RBKS: variants seen among roughly 807,000 people sequenced by gnomAD.
RBKS encodes the protein ribokinase.
RBKS carries 33 observed loss-of-function variants against 33.9 expected under a neutral mutation model. The observed-to-expected ratio is 0.97, with a 90% CI of 0.74 to 1.30. The LOEUF is 1.30. RBKS is among the 50% of genes most tolerant of loss of function. The probability of loss-of-function intolerance (pLI) is 0.00; values close to 1 mark genes in which losing one functional copy is unlikely to be tolerated. For missense variants in RBKS, 361 were observed against 392.6 expected, an observed-to-expected ratio of 0.92 and a Z score of 0.68; for synonymous variants, 125 against 143.0, an observed-to-expected ratio of 0.87 and a Z score of 0.90.
At chr2:27,794,624 CTTTTTT>C (rs199640528) in intron 7 of RBKS, among the ~76,000 whole-genome samples, 1 of 139,208 alleles carries the variant, frequency 7.2e-6, no homozygotes, top group Non-Finnish European at 1.6e-5. Flanking sequence ...GTTTTTTTTT[CTTTTTT>C]TTTTTTTTTG....
Position 27,820,205 on chromosome 2 carries a change from T to C in RBKS, c.795+7362A>G, listed in dbSNP as rs145734751. 3.9e-5 allele frequency among the ~76,000 whole-genome samples: 6 copies of C among 152,340 alleles called. No homozygotes were observed. In the East Asian group the frequency reaches 7.7e-4, roughly 20 times the overall value. ...GTAATACATGAAAAATACAGGCTTA[T>C]GGAAAAACTCAAATAATTCAGTAGA... On this transcript the variant is annotated intron_variant, in intron 7 of 7. Transcript: ENST00000302188.
At chr2:27,798,712 A>G (rs1450899049) in intron 7 of RBKS, among the ~76,000 whole-genome samples, 1 of 152,096 alleles carries the variant, frequency 6.6e-6, no homozygotes, top group African/African-American at 2.4e-5. Context: ...TCCCTAAACC[A>G]CTTTTCCAGT....
At position 27,810,173 on chromosome 2, in the gene RBKS, C is replaced by T; in HGVS notation, c.795+17394G>A. Reference sequence around the variant, plus strand: ...GCACCTGGTATATTTGTCTACACAACCCAAATTCGTCATATACTGGCTGAT... The same window carrying T: ...GCACCTGGTATATTTGTCTACACAATCCAAATTCGTCATATACTGGCTGAT... On this transcript the variant is annotated intron_variant, in intron 7 of 7. Transcript: ENST00000302188. This position sits in a 1 kb window ranked among gnomAD's most constrained non-coding sequence, Gnocchi z 4.4. The T allele has an allele frequency of 8.4e-7, 1 of 1,183,502 alleles. No individual in the cohort carries two copies. Among genetic ancestry groups the T allele is most frequent in the South Asian group, 1.4e-5 (1 of 70,066 alleles). The allele number at this position is 1,183,502 out of a possible 1,614,324, so 73.3% of individuals were successfully genotyped here.
intron 2 of RBKS, among the ~76,000 whole-genome samples, chr2:27,849,658 T>A (rs1429135152): frequency 6.7e-6 from 1 of 150,274 alleles, no homozygotes; most frequent in Non-Finnish European, 1.5e-5. Flanking sequence ...CCTGAACCAC[T>A]GAACTATAAT....
chr2:27,867,822 C>A (rs1320888840), intron 1 of RBKS, among the ~76,000 whole-genome samples: 2 of 152,022 alleles, frequency 1.3e-5, no homozygotes, highest in African/African-American at 4.8e-5. Context: ...GATTGGACAA[C>A]TATTTTGGAT....
chr2:27,843,984 G>A (rs983971205), intron 4 of RBKS, among the ~76,000 whole-genome samples: 4 of 152,046 alleles, frequency 2.6e-5, no homozygotes, highest in Non-Finnish European at 5.9e-5. Flanking sequence ...TCCTGGCTGG[G>A]CAGAGTGGCT....
chr2:27,791,813 G>A (rs956847403), intron 7 of RBKS, among the ~76,000 whole-genome samples: 2 of 152,068 alleles, frequency 1.3e-5, no homozygotes, highest in Non-Finnish European at 2.9e-5. Context: ...CAGGCCAGGG[G>A]CTGGGGAGTA....
intron 7 of RBKS, among the ~76,000 whole-genome samples, chr2:27,825,865 A>T (rs1480705524): frequency 6.6e-6 from 1 of 152,238 alleles, no homozygotes; most frequent in East Asian, 1.9e-4. Context: ...GGACACTGAG[A>T]ATAGGGGCTA....
intron 1 of RBKS, among the ~76,000 whole-genome samples, chr2:27,863,272 C>G (rs901406602): frequency 3.3e-5 from 5 of 152,224 alleles, no homozygotes; most frequent in African/African-American, 1.2e-4. Context: ...TCATACATGG[C>G]CCCAGTCTTC....
At chr2:27,802,397 A>G (rs1479342761) in intron 7 of RBKS, among the ~76,000 whole-genome samples, 1 of 151,392 alleles carries the variant, frequency 6.6e-6, no homozygotes, top group Non-Finnish European at 1.5e-5. Context: ...GTTTATCTGA[A>G]TGTAATCCCA....
chr2:27,869,291 C>A (rs1205164390), intron 1 of RBKS, among the ~76,000 whole-genome samples: 1 of 152,126 alleles, frequency 6.6e-6, no homozygotes, highest in Non-Finnish European at 1.5e-5. Context: ...ACAGCAAGGC[C>A]AAATAATGGT....
intron 7 of RBKS, among the ~76,000 whole-genome samples, chr2:27,821,764 G>C (rs1678215434): frequency 6.6e-6 from 1 of 152,146 alleles, no homozygotes; most frequent in Non-Finnish European, 1.5e-5. Context: ...CTAAAGTCAG[G>C]GTTTGAAGGA....
chr2:27,844,101 A>G lies in RBKS; in HGVS notation c.350-870T>C, dbSNP rs572875132. Reference sequence around the variant, plus strand: ...ATGGTGAAAACCCATCTCTACTAAAATTACAAAAATTAGCTGGGCGTGGTG... The same window carrying G: ...ATGGTGAAAACCCATCTCTACTAAAGTTACAAAAATTAGCTGGGCGTGGTG... On this transcript the variant is annotated intron_variant, in intron 4 of 7. Transcript: ENST00000302188. Among the ~76,000 whole-genome samples, 54 of 152,178 alleles carry G rather than the reference A, an allele frequency of 3.5e-4. 2 individuals are homozygous for G. Among genetic ancestry groups the G allele is most frequent in the Admixed American group, 3.5e-3 (53 of 15,296 alleles).
At chr2:27,889,914 A>C in intron 1 of RBKS, 1 of 249,758 alleles carries the variant, frequency 4.0e-6, no homozygotes, top group Non-Finnish European at 7.7e-6. Context: ...GACGTGGGCA[A>C]AGTTCCCTGG....
chr2:27,854,750 CTTT>C (rs773901822), intron 2 of RBKS, among the ~76,000 whole-genome samples: 8 of 133,664 alleles, frequency 6.0e-5, no homozygotes, highest in African/African-American at 1.6e-4. Context: ...GTTGCTTTTT[CTTT>C]TTTTTTTTTT....
rs892393970 is a variant in RBKS, at chr2:27,890,087, T to G, written c.89+170A>C. ...TGAGATTTACCTTTATATACTCAAG[T>G]TCTTTCATGCCAGGAAGGTAGGCTG... On this transcript the variant is annotated intron_variant, in intron 1 of 7. Coordinates refer to ENST00000302188, the MANE Select transcript of RBKS (RefSeq NM_022128.3). The surrounding 1 kb of genome is among the most constrained non-coding windows in gnomAD (Gnocchi z 4.8). 1 of 596,420 alleles carries G rather than the reference T, an allele frequency of 1.7e-6. No homozygotes were observed. The highest frequency in any genetic ancestry group is 3.1e-4 in the Middle Eastern group (1 of 3,190). The allele number at this position is 596,420 out of a possible 1,614,324, so 36.9% of individuals were successfully genotyped here.
In RBKS at chr2:27,834,371, T is replaced by A. The variant is rs940424122; in HGVS notation, c.515-1594A>T. On this transcript the variant is annotated intron_variant, in intron 5 of 7. Transcript: ENST00000302188. ...GGTATATTTTTGGCTGCTCAGATTT[T>A]TGTATAGAGTTATTGTGCAGCTTAA... Among the ~76,000 whole-genome samples the A allele has an allele frequency of 5.3e-5, 8 of 152,366 alleles. No individual in the cohort carries two copies. The South Asian group carries it at 1.7e-3, about 32-fold the overall frequency.
chr2:27,794,614 G>A (rs1283690913), intron 7 of RBKS, among the ~76,000 whole-genome samples: 5 of 135,258 alleles, frequency 3.7e-5, no homozygotes, highest in South Asian at 2.5e-4. Context: ...GAACACTTTC[G>A]TTTTTTTTTC....
chr2:27,850,796 G>A (rs780740304), intron 2 of RBKS, among the ~76,000 whole-genome samples: 3 of 152,196 alleles, frequency 2.0e-5, no homozygotes, highest in Non-Finnish European at 2.9e-5. Flanking sequence ...AGGTTTTGGT[G>A]TAAATGCCCT....
Sources: allele counts gnomAD v4.1 joint callset (sites outside exome capture counted in the v4.1 genomes callset), GRCh38; gene constraint gnomAD v4.1.1; non-coding constraint Gnocchi (gnomAD v3.1); transcripts MANE v1.5; gene names NCBI Gene and HGNC (gene_info 2026-07-23, HGNC 2026-07-21).